Variants in ZAN observed in about 807,000 individuals in gnomAD.
ZAN encodes zonadhesin (gene/pseudogene).
ZAN carries 260 observed loss-of-function variants against 286.2 expected under a neutral mutation model. The ratio of observed to expected loss-of-function variants is 0.91; its 90% CI spans 0.82 to 1.01. The LOEUF (loss-of-function observed/expected upper bound fraction) is 1.01. ZAN is among the 50% of genes least tolerant of loss of function. ZAN has a pLI of 0.00. For missense variants in ZAN, 3,410 were observed against 3,639.2 expected, an observed-to-expected ratio of 0.94 and a Z score of 1.62; for synonymous variants, 1,368 against 1,417.5, an observed-to-expected ratio of 0.97 and a Z score of 0.79.
intron 31 of ZAN, 23 bp from the exon 32 acceptor site, chr7:100,775,305 C>T (rs1810674236): frequency 1.2e-6 from 2 of 1,609,746 alleles, no homozygotes; most frequent in East Asian, 2.2e-5. Context: ...CGTCATAGCC[C>T]AGCTGTCTCT....
At chr7:100,735,577 G>T in intron 2 of ZAN, 143 bp from the exon 3 acceptor site, 2 of 597,472 alleles carry the variant, frequency 3.3e-6, no homozygotes, top group Non-Finnish European at 2.7e-6. Flanking sequence ...AAGAAAAAAA[G>T]AAAAAAAGTC....
At chr7:100,792,169 T>TGCC in intron 41 of ZAN, 21 bp downstream of exon 41, 2 of 1,582,390 alleles carry the variant, frequency 1.3e-6, no homozygotes, top group Middle Eastern at 4.4e-4. Context: ...GGCCCAGGAC[T>TGCC]TGTGGGAATG....
chr7:100,739,377 T>C (rs1324606778), intron 7 of ZAN, among the ~76,000 whole-genome samples: 1 of 138,446 alleles, frequency 7.2e-6, no homozygotes, highest in African/African-American at 2.6e-5. Flanking sequence ...TCCTAGGCAC[T>C]TAAAATACAC....
chr7:100,752,866 A>G lies in ZAN; in HGVS notation c.2761A>G (p.Thr921Ala). The G allele has an allele frequency of 6.2e-7, 1 of 1,609,392 alleles. No individual in the cohort carries two copies. ...EKPTISTEKPTIPTEKPTIPT... is the reference protein window; with the variant it reads ...EKPTISTEKPAIPTEKPTIPT... ...ACCCACCATCTCCACGGAAAAACCC[A>G]CCATCCCCACGGAAAAACCCACCAT... The change falls in exon 14 of 48, where the codon ACC becomes GCC. Residue 921 changes from threonine to alanine, a missense_variant. Transcript: ENST00000613979.
In ZAN at chr7:100,752,912, T is replaced by C; in HGVS notation, c.2807T>C (p.Ile936Thr). 1 of 1,604,250 alleles carries C rather than the reference T, an allele frequency of 6.2e-7. No individual in the cohort carries two copies. Among genetic ancestry groups the C allele is most frequent in the Non-Finnish European group, 8.5e-7 (1 of 1,177,572 alleles). The change falls in exon 14 of 48, where the codon ATC (isoleucine) becomes ACC (threonine). Residue 936 changes from isoleucine to threonine, a missense_variant. Physicochemically the swap from Ile to Thr is moderately conservative, Grantham distance 89 (BLOSUM62 -1). Transcript: ENST00000613979. ...KPTIPTEETT[I>T]STEKLTIPTE... Reference sequence around the variant, plus strand: ...ACCATCCCCACTGAAGAGACTACCATCTCCACAGAAAAACTCACCATCCCC... The same window carrying C: ...ACCATCCCCACTGAAGAGACTACCACCTCCACAGAAAAACTCACCATCCCC...
In ZAN at chr7:100,765,377, G is replaced by C; in HGVS notation, c.4293G>C (p.Lys1431Asn). ...FCPMACPPNS[K>N]YSLCAKPCPD... ...CAATGGCCTGCCCGCCCAACAGCAA[G>C]TACTCCCTGTGTGCGAAGCCATGCC... The change falls in exon 23 of 48, where the codon AAG (lysine) becomes AAC (asparagine). Residue 1431 changes from lysine to asparagine, a missense_variant. Transcript: ENST00000613979. 1 of 1,613,940 alleles carries C rather than the reference G, an allele frequency of 6.2e-7. No homozygotes were observed. The highest frequency in any genetic ancestry group is 2.2e-5 in the East Asian group (1 of 44,882).
rs1271449042 is a variant in ZAN, at chr7:100,752,644, A to G, written c.2539A>G (p.Met847Val). The part of the protein sequence containing the change: ...TISTEKLTIP[M>V]EKPTISTEKP... ...CTCTACAGAAAAACTCACCATCCCC[A>G]TGGAAAAACCCACCATCTCCACAGA... is the stretch of plus-strand genomic sequence containing the variant. Residue 847 changes from methionine (M) to valine (V), a missense_variant, in exon 14 of 48, where the codon ATG (methionine) becomes GTG (valine). By Grantham distance (21) the Met-to-Val change is conservative. Transcript: ENST00000613979. 19 of 1,607,678 alleles carry G rather than the reference A, an allele frequency of 1.2e-5. No individual in the cohort carries two copies. The highest frequency in any genetic ancestry group is 1.6e-5 in the Non-Finnish European group (19 of 1,178,456).
chr7:100,797,491 G>A, intron 46 of ZAN, 26 bp downstream of exon 46: 2 of 1,613,920 alleles, frequency 1.2e-6, no homozygotes, highest in Non-Finnish European at 1.7e-6. Flanking sequence ...GAGAGAGGAA[G>A]GGCGGGTGGG....
At chr7:100,760,704 C>A (rs1433807381) in intron 19 of ZAN, among the ~76,000 whole-genome samples, 168 bp downstream of exon 19, 1 of 152,144 alleles carries the variant, frequency 6.6e-6, no homozygotes, top group Non-Finnish European at 1.5e-5. Flanking sequence ...GGCAGGGATC[C>A]CTTTGGACCA....
chr7:100,751,520 C>G (rs1299746993), intron 13 of ZAN, among the ~76,000 whole-genome samples, 192 bp from the exon 14 acceptor site: 1 of 152,146 alleles, frequency 6.6e-6, no homozygotes, highest in Non-Finnish European at 1.5e-5. Flanking sequence ...AGGCTGGACC[C>G]ATATCCTATT....
chr7:100,776,613 GTCTT>G (rs756633653), intron 34 of ZAN, 49 bp downstream of exon 34: 90 of 1,365,684 alleles, frequency 6.6e-5, no homozygotes, highest in East Asian at 2.4e-4. Context: ...TTCTTTCTTT[GTCTT>G]TCTTTCTTTC....
Position 100,789,349 on chromosome 7 carries a change from T to TA in ZAN, c.7357+4dup. 1.2e-6 allele frequency: 2 copies of TA among 1,612,476 alleles called. No homozygotes were observed. The highest frequency in any genetic ancestry group is 1.7e-4 in the Middle Eastern group (1 of 6,056). On this transcript the variant is annotated splice_region_variant and intron_variant, in intron 39 of 47. Coordinates refer to ENST00000613979, the MANE Select transcript of ZAN (RefSeq NM_003386.3). ...GCTTTGGTGGAAGGAAAAATGCAGG[T>TA]AATGGAGAGAGGGGAAAGAAGAGCA...
chr7:100,743,551 T>C (rs2115699439), intron 7 of ZAN, among the ~76,000 whole-genome samples: 1 of 152,246 alleles, frequency 6.6e-6, no homozygotes, highest in South Asian at 2.1e-4. Flanking sequence ...TTCCTGAGTT[T>C]ATAATTCTTA....
intron 34 of ZAN, among the ~76,000 whole-genome samples, chr7:100,778,248 A>C (rs1264358411): frequency 6.6e-6 from 1 of 152,208 alleles, no homozygotes; most frequent in Non-Finnish European, 1.5e-5. Context: ...TGAAGGCTAC[A>C]GTGAGCTATG....
At chr7:100,770,688 T>A (rs1272548184) in intron 28 of ZAN, among the ~76,000 whole-genome samples, 1 of 150,748 alleles carries the variant, frequency 6.6e-6, no homozygotes, top group Admixed American at 6.6e-5. Context: ...AAGGTCTCAC[T>A]CTGTTGCCCA....
At chr7:100,781,597 G>A (rs1811199529) in intron 35 of ZAN, among the ~76,000 whole-genome samples, 1 of 149,472 alleles carries the variant, frequency 6.7e-6, no homozygotes, top group Admixed American at 6.7e-5. Context: ...CAGATCCTCT[G>A]ATTTTTTTTT....
chr7:100,796,606 G>A (rs2116370503), intron 45 of ZAN, among the ~76,000 whole-genome samples: 1 of 152,084 alleles, frequency 6.6e-6, no homozygotes, highest in South Asian at 2.1e-4. Context: ...AGTAGGGATG[G>A]GGTTTCGCCA....
chr7:100,792,195 C>A, intron 41 of ZAN, 47 bp downstream of exon 41: 2 of 1,535,354 alleles, frequency 1.3e-6, no homozygotes, highest in South Asian at 2.5e-5. Flanking sequence ...GGTGCCTGCT[C>A]TGGTCTTTCC....
chr7:100,755,505 G>GA (rs1404227558), intron 15 of ZAN, 95 bp downstream of exon 15: 1 of 1,412,156 alleles, frequency 7.1e-7, no homozygotes, highest in Admixed American at 2.0e-5. Context: ...AGGCAACAGG[G>GA]ATCACCGGAT....
Sources: gnomAD v4.1 joint callset for allele counts (sites outside exome capture counted in the v4.1 genomes callset) on GRCh38, gnomAD v4.1.1 for gene constraint, MANE v1.5 for transcripts, NCBI Gene and HGNC (gene_info 2026-07-23, HGNC 2026-07-21) for gene names.